Variants in HERC4 observed in about 807,000 individuals in gnomAD.
HERC4 encodes HECT and RLD domain containing E3 ubiquitin protein ligase 4.
HERC4 carries 28 observed loss-of-function variants against 124.3 expected under a neutral mutation model. The observed-to-expected ratio is 0.23, with a 90% confidence interval of 0.17 to 0.31. The LOEUF is 0.31. Among genes scored for constraint, HERC4 ranks in the 10% least tolerant of loss-of-function variants. The pLI, the probability that HERC4 is intolerant of heterozygous loss-of-function variation, is 1.00. For synonymous variants in HERC4, 407 were observed against 421.5 expected (o/e 0.97, Z 0.42); for missense variants, 713 against 1,229.3 (o/e 0.58, Z 6.28).
chr10:68,073,379 G>A (rs986224175), intron 2 of HERC4, among the ~76,000 whole-genome samples, 193 bp from the exon 3 acceptor site: 1 of 152,010 alleles, frequency 6.6e-6, no homozygotes, highest in Non-Finnish European at 1.5e-5. Context: ...AAATTTTTAG[G>A]GAAAATATGA....
chr10:67,954,174 A>C (rs1046953372), intron 19 of HERC4: 1 of 153,080 alleles, frequency 6.5e-6, no homozygotes, highest in Non-Finnish European at 1.5e-5. Context: ...ACAATAGGTA[A>C]AAGAGTGGGT....
At chr10:67,969,002 G>A (rs1158600916) in intron 15 of HERC4, among the ~76,000 whole-genome samples, 2 of 151,922 alleles carry the variant, frequency 1.3e-5, no homozygotes, top group East Asian at 3.9e-4. Context: ...CCAAATCCTG[G>A]ACCATACAAT....
chr10:68,066,990 AT>A (rs2041334709), intron 3 of HERC4: 1 of 152,608 alleles, frequency 6.6e-6, no homozygotes, highest in Admixed American at 6.5e-5. Flanking sequence ...CATAAGCACA[AT>A]TTAGTGAATA....
chr10:68,028,843 T>C (rs889047798), intron 7 of HERC4, among the ~76,000 whole-genome samples: 1 of 152,186 alleles, frequency 6.6e-6, no homozygotes, highest in Non-Finnish European at 1.5e-5. Flanking sequence ...CCTATTTATA[T>C]GTAATATATT....
intron 14 of HERC4, 32 bp downstream of exon 14, chr10:67,990,179 G>A (rs1022909865): frequency 2.0e-6 from 3 of 1,520,594 alleles, no homozygotes; most frequent in African/African-American, 2.8e-5. Context: ...AAAGAGAAAA[G>A]GTTTCAAAAG....
intron 4 of HERC4, among the ~76,000 whole-genome samples, chr10:68,041,948 C>T (rs1466442007): frequency 1.3e-5 from 2 of 152,204 alleles, no homozygotes; most frequent in Non-Finnish European, 2.9e-5. Context: ...TATCCATCCA[C>T]TGGCATTAAA....
intron 9 of HERC4, chr10:68,010,246 A>AG: frequency 9.7e-7 from 1 of 1,032,834 alleles, no homozygotes; most frequent in East Asian, 2.9e-5. Flanking sequence ...CGACAGAAAC[A>AG]GGGGGAAAGG....
intron 8 of HERC4, among the ~76,000 whole-genome samples, chr10:68,020,626 G>A (rs546837764): frequency 7.9e-5 from 12 of 151,786 alleles, no homozygotes; most frequent in African/African-American, 1.9e-4. Flanking sequence ...AAAATTAGCC[G>A]GGCGTAGTGG....
intron 3 of HERC4, among the ~76,000 whole-genome samples, chr10:68,059,499 T>C (rs2073384712): frequency 1.6e-5 from 2 of 127,740 alleles, no homozygotes; most frequent in South Asian, 4.6e-4. Flanking sequence ...TATAACATTA[T>C]ATATTATAAT....
chr10:68,070,194 C>T, intron 3 of HERC4: 2 of 984,530 alleles, frequency 2.0e-6, no homozygotes, highest in Non-Finnish European at 2.4e-6. Flanking sequence ...TAATCCAGTC[C>T]TCAAATTCAC....
chr10:68,007,104 C>A (rs997709241), intron 9 of HERC4, among the ~76,000 whole-genome samples: 1 of 152,106 alleles, frequency 6.6e-6, no homozygotes, highest in Non-Finnish European at 1.5e-5. Context: ...AGGCCAGTAA[C>A]CCTTAGATTT....
intron 3 of HERC4, among the ~76,000 whole-genome samples, chr10:68,066,600 G>C (rs1008651383): frequency 6.6e-6 from 1 of 152,178 alleles, no homozygotes; most frequent in African/African-American, 2.4e-5. Flanking sequence ...ATCTTAGAGA[G>C]AGATGCATGT....
chr10:67,928,780 G>A (rs528483631), intron 23 of HERC4, among the ~76,000 whole-genome samples: 9 of 152,124 alleles, frequency 5.9e-5, no homozygotes, highest in East Asian at 1.9e-4. Flanking sequence ...AAAATCAGCC[G>A]GGAATAGTGG....
chr10:67,971,802 C>A (rs1408708552), intron 15 of HERC4, among the ~76,000 whole-genome samples: 2 of 151,876 alleles, frequency 1.3e-5, no homozygotes, highest in Admixed American at 6.6e-5. Context: ...TAAAATATGC[C>A]AAGAAAATAA....
chr10:67,932,897 A>G, intron 22 of HERC4, 117 bp from the exon 23 acceptor site: 1 of 820,416 alleles, frequency 1.2e-6, no homozygotes, highest in Non-Finnish European at 1.8e-6. Context: ...TACGAAACTG[A>G]GAATGTATGA....
At chr10:67,955,200 C>G in intron 17 of HERC4, 70 bp from the exon 18 acceptor site, 1 of 1,339,820 alleles carries the variant, frequency 7.5e-7, no homozygotes, top group Admixed American at 2.4e-5. Flanking sequence ...AACAAGCTAA[C>G]CTCTACCTAT....
chr10:67,995,895 T>G (rs985854611), intron 9 of HERC4, among the ~76,000 whole-genome samples: 1 of 148,088 alleles, frequency 6.8e-6, no homozygotes, highest in Non-Finnish European at 1.5e-5. Context: ...GTCAAGTAAT[T>G]TTCCCCCCCT....
Position 68,013,069 on chromosome 10 carries a change from A to C in HERC4, c.1069+957T>G, listed in dbSNP as rs572738189. ...GCTTCTCAGATACTGTGATTTTTAC[A>C]AATTGAAGGTTTGGGGCAACCCTGC... is the stretch of plus-strand genomic sequence containing the variant. On this transcript the variant is annotated intron_variant, in intron 9 of 24. Transcript: ENST00000373700. Among the ~76,000 whole-genome samples, 4 of 152,276 alleles carry C rather than the reference A, an allele frequency of 2.6e-5. No homozygotes were observed. In the South Asian group the frequency reaches 8.3e-4, roughly 32 times the overall value.
intron 7 of HERC4, among the ~76,000 whole-genome samples, chr10:68,031,931 T>C (rs778681582): frequency 2.0e-5 from 3 of 152,122 alleles, no homozygotes; most frequent in African/African-American, 4.8e-5. Context: ...TTCGTATTTT[T>C]AGAAGAGACA....
Sources: allele counts gnomAD v4.1 joint callset (sites outside exome capture counted in the v4.1 genomes callset), GRCh38; gene constraint gnomAD v4.1.1; transcripts MANE v1.5; gene names NCBI Gene and HGNC (gene_info 2026-07-23, HGNC 2026-07-21).